Variants in KCNIP3 observed in about 807,000 individuals in gnomAD.
KCNIP3 encodes potassium voltage-gated channel interacting protein 3, also known as calsenilin.
KCNIP3 carries 28 observed loss-of-function variants against 35.0 expected under a neutral mutation model. That is an observed-to-expected ratio of 0.80 (90% CI 0.59 to 1.10). The LOEUF is 1.10. Among genes scored for constraint, KCNIP3 ranks in the 50% least tolerant of loss-of-function variants. The probability of loss-of-function intolerance (pLI) is 0.00; values close to 1 mark genes in which losing one functional copy is unlikely to be tolerated. For missense variants in KCNIP3, 295 were observed against 338.4 expected (o/e 0.87, Z 1.01); for synonymous variants, 134 against 133.8 (o/e 1.00, Z -0.01).
At position 95,383,996 on chromosome 2, in the gene KCNIP3, A is replaced by T; in HGVS notation, c.724-6A>T. 1.2e-6 allele frequency: 2 copies of T among 1,613,666 alleles called. No homozygotes were observed. The highest frequency in any genetic ancestry group is 8.5e-7 in the Non-Finnish European group (1 of 1,179,762). On this transcript the variant is annotated splice_region_variant and splice_polypyrimidine_tract_variant and intron_variant, in intron 8 of 8. Transcript: ENST00000295225. ...CCTGAAGGCCTCCCTTCCTCTCTCC[A>T]TGCAGGATGAGAACATCATGAGCTC...
chr2:95,303,685 C>T (rs1372296076), intron 1 of KCNIP3, among the ~76,000 whole-genome samples: 2 of 152,202 alleles, frequency 1.3e-5, no homozygotes, highest in South Asian at 2.1e-4. Flanking sequence ...CACCAGGCCA[C>T]CCTTCTGAGG....
chr2:95,335,788 TCC>T (rs1306549983), intron 2 of KCNIP3, among the ~76,000 whole-genome samples: 2 of 152,222 alleles, frequency 1.3e-5, no homozygotes. Flanking sequence ...TTTCTCTCTC[TCC>T]TTTTCTTCTG....
chr2:95,325,340 C>G (rs892235323), intron 2 of KCNIP3, among the ~76,000 whole-genome samples: 3 of 152,158 alleles, frequency 2.0e-5, no homozygotes, highest in African/African-American at 7.2e-5. Flanking sequence ...GCAGCTCAGC[C>G]CAGCAGGAGG....
intron 1 of KCNIP3, chr2:95,303,166 G>A (rs1189316158): frequency 6.6e-6 from 1 of 152,278 alleles, no homozygotes; most frequent in African/African-American, 2.4e-5. Flanking sequence ...CTGACAGTCT[G>A]ACTCCATCTT....
intron 2 of KCNIP3, chr2:95,355,043 C>T (rs1679621802): frequency 6.6e-6 from 1 of 152,284 alleles, no homozygotes; most frequent in African/African-American, 2.4e-5. Flanking sequence ...TGAGCAGGCT[C>T]GTTTCATCGA....
At chr2:95,328,632 G>T (rs549232452) in intron 2 of KCNIP3, among the ~76,000 whole-genome samples, 3 of 152,254 alleles carry the variant, frequency 2.0e-5, no homozygotes, top group African/African-American at 7.2e-5. Flanking sequence ...CCGCCTTCAG[G>T]TCGTCTGTGA....
intron 2 of KCNIP3, among the ~76,000 whole-genome samples, chr2:95,315,435 G>A (rs1456451388): frequency 6.6e-6 from 1 of 152,232 alleles, no homozygotes; most frequent in African/African-American, 2.4e-5. Context: ...CGGCCCCAGC[G>A]CCCCTTGGAG....
At chr2:95,383,119 G>GC in intron 7 of KCNIP3, 113 bp from the exon 8 acceptor site, 8 of 281,828 alleles carry the variant, frequency 2.8e-5, no homozygotes, top group South Asian at 5.0e-5. Context: ...GAGCCCACCC[G>GC]CCCATCCACC....
chr2:95,380,574 C>T (rs550758437), intron 5 of KCNIP3, among the ~76,000 whole-genome samples: 1 of 152,168 alleles, frequency 6.6e-6, no homozygotes, highest in East Asian at 1.9e-4. Context: ...AGGGGGAAAA[C>T]CTGCTTTCTA....
intron 2 of KCNIP3, among the ~76,000 whole-genome samples, chr2:95,326,068 C>T (rs1266090101): frequency 6.8e-6 from 1 of 147,908 alleles, no homozygotes; most frequent in Non-Finnish European, 1.5e-5. Flanking sequence ...TACACATTCA[C>T]TCATACTAAC....
At chr2:95,367,492 C>T (rs1679944297) in intron 2 of KCNIP3, among the ~76,000 whole-genome samples, 1 of 152,260 alleles carries the variant, frequency 6.6e-6, no homozygotes, top group South Asian at 2.1e-4. Context: ...CTGAGTCTTT[C>T]AATCCATGAA....
Position 95,325,810 on chromosome 2 carries a change from CAT to C in KCNIP3, c.181+15292_181+15293del, listed in dbSNP as rs553678101. On this transcript the variant is annotated intron_variant, in intron 2 of 8. Transcript: ENST00000295225. ...ATACACACTCATACACACATACACT[CAT>C]ACACACATACACATACACTCATACA... Among the ~76,000 whole-genome samples, 8 of 141,754 alleles carry C rather than the reference CAT, an allele frequency of 5.6e-5. No homozygotes were observed. The South Asian group carries it at 1.1e-3, about 20-fold the overall frequency. 93.0% of individuals were successfully genotyped at this position (141,754 alleles called of 152,430 possible).
At chr2:95,306,501 G>C (rs1223201043) in intron 1 of KCNIP3, among the ~76,000 whole-genome samples, 1 of 152,172 alleles carries the variant, frequency 6.6e-6, no homozygotes, top group Middle Eastern at 3.2e-3. Context: ...ACAAGGGCTG[G>C]GTGAAGAAGT....
At chr2:95,315,690 G>C (rs1678439096) in intron 2 of KCNIP3, among the ~76,000 whole-genome samples, 1 of 152,168 alleles carries the variant, frequency 6.6e-6, no homozygotes. Context: ...GTGTCACCTA[G>C]AGTTGGGGCC....
chr2:95,379,911 G>T (rs1321475394), intron 5 of KCNIP3, among the ~76,000 whole-genome samples: 1 of 152,224 alleles, frequency 6.6e-6, no homozygotes, highest in African/African-American at 2.4e-5. Flanking sequence ...TAAACTGCAG[G>T]CTGTTTTCAT....
At chr2:95,301,083 C>T (rs1046707316) in intron 1 of KCNIP3, among the ~76,000 whole-genome samples, 30 of 152,052 alleles carry the variant, frequency 2.0e-4, no homozygotes, top group African/African-American at 7.2e-4. Context: ...CCAGCTCTGT[C>T]GTGGGATCCT....
At chr2:95,344,275 G>GC (rs1398513438) in intron 2 of KCNIP3, among the ~76,000 whole-genome samples, 1 of 85,116 alleles carries the variant, frequency 1.2e-5, no homozygotes, top group Non-Finnish European at 2.3e-5. Flanking sequence ...GTGGCGGGGT[G>GC]GGGGGGGGCA....
chr2:95,301,673 G>A (rs1026382457), intron 1 of KCNIP3, among the ~76,000 whole-genome samples: 2 of 152,134 alleles, frequency 1.3e-5, no homozygotes, highest in African/African-American at 4.8e-5. Context: ...GGAGAGCCTG[G>A]GAAGGCCACC....
intron 1 of KCNIP3, chr2:95,310,151 A>G (rs1406169857): frequency 1.4e-6 from 1 of 695,572 alleles, no homozygotes; most frequent in African/African-American, 1.8e-5. Context: ...ATCTTACACC[A>G]TAGCCAGGGT....
Sources: gnomAD v4.1 joint callset for allele counts (sites outside exome capture counted in the v4.1 genomes callset) on GRCh38, gnomAD v4.1.1 for gene constraint, MANE v1.5 for transcripts, NCBI Gene and HGNC (gene_info 2026-07-23, HGNC 2026-07-21) for gene names.